PCNX2: variants seen among roughly 807,000 people sequenced by gnomAD.
PCNX2 encodes pecanex 2, also known as pecanex-like protein 2.
Under a neutral mutation model 223.8 loss-of-function variants are expected in PCNX2, and 168 were observed. That is an observed-to-expected ratio of 0.75 (90% confidence interval 0.66 to 0.85). The LOEUF is 0.85. Among genes scored for constraint, PCNX2 ranks in the 40% least tolerant of loss-of-function variants. The pLI, the probability that PCNX2 is intolerant of heterozygous loss-of-function variation, is 0.00. For synonymous variants in PCNX2, 1,006 were observed against 1,052.6 expected, an observed-to-expected ratio of 0.96 and a Z score of 0.86; for missense variants, 2,507 against 2,675.5, an observed-to-expected ratio of 0.94 and a Z score of 1.39.
the PCNX2 span, among the ~76,000 whole-genome samples, chr1:233,305,722 T>C: frequency 6.6e-6 from 1 of 152,220 alleles, no homozygotes. Context: ...CACAAAGTAC[T>C]GGGATTACAG....
At chr1:233,078,766 G>A (rs1366441673) in intron 23 of PCNX2, among the ~76,000 whole-genome samples, 3 of 152,190 alleles carry the variant, frequency 2.0e-5, no homozygotes, top group Non-Finnish European at 2.9e-5. Flanking sequence ...ACAGGACCCT[G>A]AGTAAAATTA....
chr1:233,072,001 T>G (rs1558204484), intron 23 of PCNX2, among the ~76,000 whole-genome samples: 1 of 152,228 alleles, frequency 6.6e-6, no homozygotes, highest in East Asian at 1.9e-4. Flanking sequence ...GTTGTTTTTC[T>G]CTTGTAAATT....
chr1:233,200,980 T>C (rs1010724422), intron 13 of PCNX2, among the ~76,000 whole-genome samples: 2 of 140,224 alleles, frequency 1.4e-5, no homozygotes, highest in African/African-American at 5.4e-5. Context: ...GAGCCGAGAT[T>C]GCACCACTGC....
intron 32 of PCNX2, among the ~76,000 whole-genome samples, chr1:232,995,167 C>A (rs1669835287): frequency 6.6e-6 from 1 of 152,038 alleles, no homozygotes; most frequent in Admixed American, 6.6e-5. Flanking sequence ...TGTGAATACA[C>A]CGGGGGGCAG....
intron 17 of PCNX2, among the ~76,000 whole-genome samples, chr1:233,174,205 T>C (rs1051390053): frequency 4.5e-5 from 6 of 133,490 alleles, no homozygotes; most frequent in Admixed American, 3.8e-4. Context: ...TTATATTATA[T>C]ATTATATAAA....
chr1:233,252,530 G>T (rs752346806), intron 6 of PCNX2, 31 bp from the exon 7 acceptor site: 3 of 1,587,376 alleles, frequency 1.9e-6, no homozygotes, highest in Admixed American at 3.5e-5. Flanking sequence ...CAAAAAAAAT[G>T]ATTAGAAGTT....
Position 232,984,234 on chromosome 1 carries a change from G to A in PCNX2, c.*70C>T, listed in dbSNP as rs1353768056. On this transcript the variant is annotated 3_prime_UTR_variant, in exon 34 of 34. Coordinates refer to ENST00000258229, the MANE Select transcript of PCNX2 (RefSeq NM_014801.4). ...GTATTGGTTGGTTGTGGTGATTTGG[G>A]GAGCACGAGGGAGAGCAATGCAGGT... is the stretch of plus-strand genomic sequence containing the variant. 3.5e-6 allele frequency: 5 copies of A among 1,430,142 alleles called. No individual in the cohort carries two copies. Among genetic ancestry groups the A allele is most frequent in the East Asian group, 5.3e-5 (2 of 37,806 alleles). 88.6% of individuals were successfully genotyped at this position (1,430,142 alleles called of 1,614,324 possible).
chr1:233,249,117 TC>T (rs1480994526), intron 8 of PCNX2, among the ~76,000 whole-genome samples: 2 of 152,204 alleles, frequency 1.3e-5, no homozygotes, highest in Non-Finnish European at 2.9e-5. Flanking sequence ...AGGTCCTCTC[TC>T]TCATTTTTAC....
chr1:233,112,711 GAACA>G, intron 21 of PCNX2: 1 of 744,554 alleles, frequency 1.3e-6, no homozygotes, highest in Non-Finnish European at 1.8e-6. Context: ...GTAGATCTTT[GAACA>G]ATATAACTAA....
At chr1:233,087,516 T>C (rs1242922199) in intron 23 of PCNX2, among the ~76,000 whole-genome samples, 1 of 152,136 alleles carries the variant, frequency 6.6e-6, no homozygotes. Context: ...AACTCTGCAG[T>C]CAGAACACTA....
intron 19 of PCNX2, among the ~76,000 whole-genome samples, chr1:233,155,646 A>G (rs1369590167): frequency 6.6e-6 from 1 of 152,218 alleles, no homozygotes; most frequent in Non-Finnish European, 1.5e-5. Flanking sequence ...GCCAAGAATC[A>G]TAATATTATG....
intron 1 of PCNX2, among the ~76,000 whole-genome samples, chr1:233,283,777 T>C (rs1008600019): frequency 2.0e-5 from 3 of 152,226 alleles, no homozygotes; most frequent in African/African-American, 7.2e-5. Context: ...GCAACCACCA[T>C]TGTAATGATT....
chr1:233,188,227 C>T (rs1286457326), intron 15 of PCNX2, among the ~76,000 whole-genome samples: 7 of 152,134 alleles, frequency 4.6e-5, no homozygotes, highest in Admixed American at 4.6e-4. Context: ...CTCTTCCATG[C>T]TCACTGGTGG....
At chr1:233,323,423 G>A in the PCNX2 span, among the ~76,000 whole-genome samples, 3 of 152,124 alleles carry the variant, frequency 2.0e-5, no homozygotes, top group Admixed American at 1.3e-4. Flanking sequence ...TCAAATTATC[G>A]TGGTTTGCAG....
intron 23 of PCNX2, among the ~76,000 whole-genome samples, chr1:233,082,974 G>C (rs1306420562): frequency 6.6e-6 from 1 of 152,206 alleles, no homozygotes; most frequent in African/African-American, 2.4e-5. Context: ...AGTAAGAGGA[G>C]AGTTGAGAGC....
intron 2 of PCNX2, 33 bp downstream of exon 2, chr1:233,262,925 A>G (rs770452639): frequency 1.3e-6 from 2 of 1,595,702 alleles, no homozygotes; most frequent in East Asian, 2.2e-5. Context: ...AAACATTTAC[A>G]TTTTGAAGTG....
intron 1 of PCNX2, among the ~76,000 whole-genome samples, chr1:233,283,675 CA>C (rs536752135): frequency 9.3e-5 from 14 of 151,272 alleles, no homozygotes; most frequent in Non-Finnish European, 2.1e-4. Context: ...AAAAGTGCAA[CA>C]AAACTATGAG....
chr1:233,118,525 G>A (rs1675563353), intron 21 of PCNX2, among the ~76,000 whole-genome samples: 2 of 145,564 alleles, frequency 1.4e-5, no homozygotes, highest in African/African-American at 2.5e-5. Flanking sequence ...TCCCAAAACT[G>A]GTAAGTAAAT....
At chr1:233,071,463 A>G (rs1384647314) in intron 23 of PCNX2, among the ~76,000 whole-genome samples, 1 of 152,172 alleles carries the variant, frequency 6.6e-6, no homozygotes, top group Admixed American at 6.5e-5. Flanking sequence ...TTCCAGCTCC[A>G]TCCATGTTTC....
Sources: allele counts gnomAD v4.1 joint callset (sites outside exome capture counted in the v4.1 genomes callset), GRCh38; gene constraint gnomAD v4.1.1; transcripts MANE v1.5; gene names NCBI Gene and HGNC (gene_info 2026-07-23, HGNC 2026-07-21).